The following COL14A1 variants were observed in gnomAD, a reference collection of about 807,000 sequenced individuals.
COL14A1 encodes collagen alpha-1(XIV) chain.
A neutral mutation model predicts 230.3 loss-of-function variants in COL14A1; 136 were observed. The ratio of observed to expected loss-of-function variants is 0.59; its 90% CI spans 0.51 to 0.68. The LOEUF is 0.68. Ranked by LOEUF, COL14A1 falls within the 30% of genes least tolerant of loss-of-function variation. The probability of loss-of-function intolerance (pLI) is 0.00; values close to 1 mark genes in which losing one functional copy is unlikely to be tolerated. For synonymous variants in COL14A1, 792 were observed against 784.1 expected (o/e 1.01, Z -0.17); for missense variants, 1,976 against 2,215.8 (o/e 0.89, Z 2.17).
Position 120,199,604 on chromosome 8 carries a change from T to C in COL14A1, c.877+38T>C, listed in dbSNP as rs780747414. 5 of 1,582,356 alleles carry C rather than the reference T, an allele frequency of 3.2e-6. No individual in the cohort carries two copies. In the African/African-American group the frequency reaches 6.8e-5, roughly 22 times the overall value. ...TATAGTCTTGTTTCAACTAAGGGCATAGACCCACAACCACTTAAAACAATA... is the reference window on the plus strand; with the variant it reads ...TATAGTCTTGTTTCAACTAAGGGCACAGACCCACAACCACTTAAAACAATA... On this transcript the variant is annotated intron_variant, in intron 8 of 47. Coordinates refer to ENST00000297848, the MANE Select transcript of COL14A1 (RefSeq NM_021110.4).
chr8:120,285,991 A>T (rs373260897), intron 33 of COL14A1, 21 bp downstream of exon 33: 1 of 1,279,496 alleles, frequency 7.8e-7, no homozygotes, highest in African/African-American at 1.5e-5. Context: ...CTTTGTATGC[A>T]TATATTCTTT....
At chr8:120,142,888 ATAAT>A (rs1469152437) in intron 1 of COL14A1, among the ~76,000 whole-genome samples, 1 of 152,240 alleles carries the variant, frequency 6.6e-6, no homozygotes, top group Non-Finnish European at 1.5e-5. Context: ...TGAAGGAAAT[ATAAT>A]TAATTTATTC....
intron 1 of COL14A1, among the ~76,000 whole-genome samples, chr8:120,136,762 G>A (rs1437938340): frequency 2.0e-5 from 3 of 151,706 alleles, no homozygotes; most frequent in South Asian, 2.1e-4. Flanking sequence ...CCAGGTGTTC[G>A]AGACCAGCCT....
chr8:120,156,279 C>T (rs1815476815), intron 2 of COL14A1, among the ~76,000 whole-genome samples: 1 of 151,970 alleles, frequency 6.6e-6, no homozygotes, highest in Admixed American at 6.6e-5. Context: ...AATTAATTCT[C>T]CTGTCTCAGC....
chr8:120,135,709 A>G (rs1814689098), intron 1 of COL14A1, among the ~76,000 whole-genome samples: 1 of 152,054 alleles, frequency 6.6e-6, no homozygotes, highest in African/African-American at 2.4e-5. Context: ...AAGACATTCT[A>G]ACAGAGTACT....
rs117736710 is a variant in COL14A1, at chr8:120,154,473, C to T, written c.89-3657C>T. On this transcript the variant is annotated intron_variant, in intron 2 of 47. Transcript: ENST00000297848. ...ATGCCCCTACACTTTCAGTAACAAG[C>T]CTAACTCTGCAGTGGAGTGGAAGAT... Among the ~76,000 whole-genome samples, 850 of 152,310 alleles carry T rather than the reference C, an allele frequency of 5.6e-3. 4 individuals are homozygous for T. The highest frequency in any genetic ancestry group is 9.6e-3 in the Non-Finnish European group (654 of 68,022).
intron 22 of COL14A1, 137 bp downstream of exon 22, chr8:120,250,903 G>C: frequency 1.1e-6 from 1 of 926,350 alleles, no homozygotes; most frequent in Non-Finnish European, 1.6e-6. Flanking sequence ...CGCCTCCAGG[G>C]TTCAAGTGAT....
chr8:120,279,424 C>T (rs1819966689), intron 28 of COL14A1, among the ~76,000 whole-genome samples: 1 of 151,806 alleles, frequency 6.6e-6, no homozygotes, highest in African/African-American at 2.4e-5. Context: ...AATAGAGATT[C>T]TCACAGGACT....
Position 120,209,920 on chromosome 8 carries a change from T to G in COL14A1, c.1467+19T>G, listed in dbSNP as rs201988114. 1.2e-5 allele frequency: 19 copies of G among 1,550,314 alleles called. No individual in the cohort carries two copies. In the African/African-American group the frequency reaches 1.8e-4, roughly 15 times the overall value. On this transcript the variant is annotated intron_variant, in intron 12 of 47. Coordinates refer to ENST00000297848, the MANE Select transcript of COL14A1 (RefSeq NM_021110.4). ...AAAAGAGGTAACCACTTCCTACCTA[T>G]TACAGTCCTAGAATCTTTTATTTCC...
chr8:120,155,587 T>G (rs1586722803), intron 2 of COL14A1, among the ~76,000 whole-genome samples: 1 of 152,176 alleles, frequency 6.6e-6, no homozygotes, highest in African/African-American at 2.4e-5. Flanking sequence ...CTCTTGGAAT[T>G]TCCTAGATTG....
intron 14 of COL14A1, among the ~76,000 whole-genome samples, chr8:120,224,276 C>T (rs527299473): frequency 2.6e-4 from 40 of 152,008 alleles, no homozygotes; most frequent in Non-Finnish European, 5.4e-4. Context: ...ATCTACCTGC[C>T]TCGGCCTCCC....
At chr8:120,151,602 T>C (rs1216490901) in intron 2 of COL14A1, among the ~76,000 whole-genome samples, 1 of 125,612 alleles carries the variant, frequency 8.0e-6, no homozygotes, top group Non-Finnish European at 1.6e-5. Flanking sequence ...ATGGTGCCAC[T>C]GCACTCCAGC....
chr8:120,208,405 G>T, intron 11 of COL14A1, 44 bp downstream of exon 11: 2 of 1,568,328 alleles, frequency 1.3e-6, no homozygotes, highest in Non-Finnish European at 8.7e-7. Context: ...GTAGAGTGCT[G>T]CTTAGGAGGC....
At chr8:120,283,920 C>T (rs1367893210) in intron 32 of COL14A1, 142 bp downstream of exon 32, 2 of 588,042 alleles carry the variant, frequency 3.4e-6, no homozygotes, top group Non-Finnish European at 5.5e-6. Flanking sequence ...AATTATATAG[C>T]AGTTGGTTTA....
At chr8:120,269,025 G>A (rs1340360918) in intron 25 of COL14A1, among the ~76,000 whole-genome samples, 2 of 151,614 alleles carry the variant, frequency 1.3e-5, no homozygotes, top group African/African-American at 4.8e-5. Context: ...TAGCTCACTT[G>A]GAGATGGTTT....
At chr8:120,259,446 G>T (rs1819260277) in intron 23 of COL14A1, among the ~76,000 whole-genome samples, 1 of 152,098 alleles carries the variant, frequency 6.6e-6, no homozygotes, top group South Asian at 2.1e-4. Context: ...GGCATGAGAG[G>T]TTGAGGAAAT....
chr8:120,179,204 G>A (rs561010885), intron 5 of COL14A1, among the ~76,000 whole-genome samples: 89 of 152,284 alleles, frequency 5.8e-4, no homozygotes, highest in South Asian at 3.3e-3. Context: ...TCATGCAAGA[G>A]AAAGAAATAA....
intron 3 of COL14A1, among the ~76,000 whole-genome samples, chr8:120,158,839 T>C (rs1454954003): frequency 6.6e-6 from 1 of 152,206 alleles, no homozygotes; most frequent in African/African-American, 2.4e-5. Context: ...TCTTTCAACA[T>C]CATTTGGTTG....
At chr8:120,312,425 A>G (rs373245074) in intron 37 of COL14A1, among the ~76,000 whole-genome samples, 4 of 152,178 alleles carry the variant, frequency 2.6e-5, no homozygotes, top group African/African-American at 9.7e-5. Flanking sequence ...TAATTTTTTT[A>G]ACACAATCAA....
Sources: allele counts gnomAD v4.1 joint callset (sites outside exome capture counted in the v4.1 genomes callset), GRCh38; gene constraint gnomAD v4.1.1; transcripts MANE v1.5; gene names NCBI Gene and HGNC (gene_info 2026-07-23, HGNC 2026-07-21).